MAEL: variants seen among roughly 807,000 people sequenced by gnomAD.
The protein encoded by MAEL is protein maelstrom homolog.
Under a neutral mutation model 62.0 loss-of-function variants are expected in MAEL, and 46 were observed. The observed-to-expected ratio is 0.74, with a 90% CI of 0.59 to 0.95. The LOEUF (loss-of-function observed/expected upper bound fraction) is 0.95, where lower values mean the gene tolerates loss of function less well. MAEL is among the 40% of genes least tolerant of loss of function. The pLI is 0.00. For synonymous variants in MAEL, 172 were observed against 175.5 expected (o/e 0.98, Z 0.16); for missense variants, 497 against 526.8 (o/e 0.94, Z 0.55).
chr1:167,021,051 A>G, intron 10 of MAEL, 34 bp from the exon 11 acceptor site: 1 of 1,492,690 alleles, frequency 6.7e-7, no homozygotes, highest in Non-Finnish European at 9.3e-7. Flanking sequence ...AGAAATAAAC[A>G]TTTTTCCCCC....
At chr1:166,991,102 T>C (rs965286422) in intron 2 of MAEL, among the ~76,000 whole-genome samples, 1 of 152,210 alleles carries the variant, frequency 6.6e-6, no homozygotes, top group African/African-American at 2.4e-5. Context: ...ATGTAGTAGG[T>C]GGCTCAGGAT....
In MAEL at chr1:167,004,340, A is replaced by G. The variant is rs202032346; in HGVS notation, c.648+36A>G. On this transcript the variant is annotated intron_variant, in intron 6 of 11. Transcript: ENST00000367872. ...GTTAAGAAGTTCTTTTAAGGTATCA[A>G]TTTATAGTACCAAAAGATCCATAAA... 6.6e-4 allele frequency: 1,017 copies of G among 1,542,018 alleles called. 2 individuals are homozygous for G. Among genetic ancestry groups the G allele is most frequent in the Middle Eastern group, 6.1e-3 (35 of 5,752 alleles).
intron 2 of MAEL, among the ~76,000 whole-genome samples, chr1:166,991,110 G>A: frequency 6.6e-6 from 1 of 152,316 alleles, no homozygotes; most frequent in East Asian, 1.9e-4. Flanking sequence ...GGTGGCTCAG[G>A]ATGATTACCT....
intron 3 of MAEL, among the ~76,000 whole-genome samples, chr1:166,992,020 C>T (rs1322632282): frequency 2.0e-5 from 3 of 151,928 alleles, no homozygotes; most frequent in African/African-American, 7.3e-5. Flanking sequence ...ATTTAAAAAT[C>T]CTGGGTGGTG....
chr1:167,011,050 T>A (rs1665152084), intron 8 of MAEL, among the ~76,000 whole-genome samples: 1 of 152,144 alleles, frequency 6.6e-6, no homozygotes, highest in African/African-American at 2.4e-5. Context: ...CCTTCCTCTT[T>A]CACTTAGCAT....
intron 3 of MAEL, among the ~76,000 whole-genome samples, chr1:166,991,725 A>AACCT (rs1664182174): frequency 6.6e-6 from 1 of 152,028 alleles, no homozygotes; most frequent in African/African-American, 2.4e-5. Context: ...AAACATAGGT[A>AACCT]TTTTTTAGAC....
At chr1:166,995,907 A>G (rs1664406192) in intron 5 of MAEL, among the ~76,000 whole-genome samples, 1 of 152,208 alleles carries the variant, frequency 6.6e-6, no homozygotes, top group Non-Finnish European at 1.5e-5. Context: ...ACCTTTTCAA[A>G]TTAATCAGAT....
chr1:167,019,481 C>A (rs1160840324), intron 10 of MAEL, among the ~76,000 whole-genome samples: 1 of 152,104 alleles, frequency 6.6e-6, no homozygotes, highest in Non-Finnish European at 1.5e-5. Context: ...GAGAAACCTT[C>A]CTGTGGGTTT....
upstream of MAEL, among the ~76,000 whole-genome samples, chr1:166,988,165 A>C (rs1159974739): frequency 1.3e-5 from 2 of 152,016 alleles, no homozygotes; most frequent in Non-Finnish European, 2.9e-5. Flanking sequence ...CCTGGGCAAC[A>C]TAGGGAGACC....
chr1:166,989,083 T>C, upstream of MAEL: 1 of 450,934 alleles, frequency 2.2e-6, no homozygotes. Context: ...TGACAATGCC[T>C]CCGCCTGCCA....
rs1294863273 is a variant in MAEL at position 167,022,104 on chromosome 1, A to G, written c.*249A>G. On this transcript the variant is annotated 3_prime_UTR_variant, in exon 12 of 12. Coordinates refer to ENST00000367872, the MANE Select transcript of MAEL (RefSeq NM_032858.3). Reference sequence around the variant, plus strand: ...GTATATCATTAAAGTTTGGAGTCCTATATGAACAAAACTGACATTTTTAGA... The same window carrying G: ...GTATATCATTAAAGTTTGGAGTCCTGTATGAACAAAACTGACATTTTTAGA... 7 of 366,852 alleles carry G rather than the reference A, an allele frequency of 1.9e-5. No individual in the cohort carries two copies. The highest frequency in any genetic ancestry group is 2.9e-5 in the Non-Finnish European group (6 of 204,686). 22.7% of individuals were successfully genotyped at this position (366,852 alleles called of 1,614,324 possible).
At chr1:167,016,312 A>G in intron 9 of MAEL, 28 bp downstream of exon 9, 1 of 1,598,856 alleles carries the variant, frequency 6.3e-7, no homozygotes, top group Non-Finnish European at 8.6e-7. Context: ...GTTTCTTCAT[A>G]ATACTGTATT....
At chr1:167,006,161 A>C (rs1372750622) in intron 8 of MAEL, 1 of 152,096 alleles carries the variant, frequency 6.6e-6, no homozygotes, top group East Asian at 1.9e-4. Context: ...AGGAATGTTG[A>C]ATATAGGACA....
At chr1:166,984,548 AAAAT>A (rs966822508), upstream of MAEL, among the ~76,000 whole-genome samples, 13 of 152,322 alleles carry the variant, frequency 8.5e-5, 1 homozygote, top group South Asian at 6.2e-4. Context: ...CTGTCAATTA[AAAAT>A]AAATAAATAA....
chr1:166,977,179 T>G (rs547423015), intron 1 of MAEL, among the ~76,000 whole-genome samples: 1 of 152,346 alleles, frequency 6.6e-6, no homozygotes, highest in African/African-American at 2.4e-5. Context: ...TCTTCTACAC[T>G]TGGCTCTTCA....
intron 5 of MAEL, among the ~76,000 whole-genome samples, chr1:166,994,744 A>G (rs1664340936): frequency 7.2e-6 from 1 of 139,680 alleles, no homozygotes; most frequent in Admixed American, 8.1e-5. Flanking sequence ...ATCTTGGCTC[A>G]CTGCAATCTC....
chr1:166,990,230 A>G (rs1006341078), intron 2 of MAEL: 1 of 154,818 alleles, frequency 6.5e-6, no homozygotes, highest in Non-Finnish European at 1.4e-5. Context: ...AGTTTAGACC[A>G]TTCTGTCTTT....
intron 5 of MAEL, among the ~76,000 whole-genome samples, chr1:167,003,151 T>C (rs1328482124): frequency 3.9e-5 from 6 of 152,198 alleles, no homozygotes; most frequent in Non-Finnish European, 8.8e-5. Flanking sequence ...TGCAGTGGTA[T>C]GATCATAATT....
chr1:167,002,746 G>C (rs1031489560), intron 5 of MAEL, among the ~76,000 whole-genome samples: 1 of 152,150 alleles, frequency 6.6e-6, no homozygotes, highest in Non-Finnish European at 1.5e-5. Flanking sequence ...TGACTTCACA[G>C]CATAAACAAT....
Sources: allele counts gnomAD v4.1 joint callset (sites outside exome capture counted in the v4.1 genomes callset), GRCh38; gene constraint gnomAD v4.1.1; transcripts MANE v1.5; gene names NCBI Gene and HGNC (gene_info 2026-07-23, HGNC 2026-07-21).